REC114: variants seen among roughly 807,000 people sequenced by gnomAD.
The protein encoded by REC114 is REC114 meiotic recombination protein.
In REC114, 27 loss-of-function variants were observed where a neutral mutation model predicts 31.3. The observed-to-expected ratio is 0.86, with a 90% CI of 0.64 to 1.19. The LOEUF is 1.19. Ranked by LOEUF, REC114 falls within the 50% of genes most tolerant of loss-of-function variation. The pLI, the probability that REC114 is intolerant of heterozygous loss-of-function variation, is 0.00. For synonymous variants in REC114, 134 were observed against 127.7 expected (o/e 1.05, Z -0.33); for missense variants, 344 against 326.9 (o/e 1.05, Z -0.40).
In REC114 at chr15:73,501,829, C is replaced by T. The variant is rs1893607629; in HGVS notation, c.249+27908C>T. ...GTTTGGTTCTTGAGAATAAATGTCT[C>T]ATCAAATAATCAGAACAGATACAAG... is the stretch of plus-strand genomic sequence containing the variant. On this transcript the variant is annotated intron_variant, in intron 2 of 5. Coordinates refer to ENST00000331090, the MANE Select transcript of REC114 (RefSeq NM_001042367.2). Among the ~76,000 whole-genome samples the T allele has an allele frequency of 1.3e-5, 2 of 152,266 alleles. 1 individual carries two copies. The highest frequency in any genetic ancestry group is 4.1e-4 in the South Asian group (2 of 4,826).
intron 2 of REC114, among the ~76,000 whole-genome samples, chr15:73,516,856 A>T (rs2141317984): frequency 6.6e-6 from 1 of 152,222 alleles, no homozygotes; most frequent in Non-Finnish European, 1.5e-5. Context: ...TGAACTCCTG[A>T]TCGGAGGTGA....
chr15:73,539,692 G>C (rs565232859), intron 2 of REC114, among the ~76,000 whole-genome samples: 1 of 151,986 alleles, frequency 6.6e-6, no homozygotes, highest in South Asian at 2.1e-4. Flanking sequence ...TAACATTTAA[G>C]GGTAGACTGG....
At chr15:73,457,682 G>A (rs1892936263) in intron 1 of REC114, among the ~76,000 whole-genome samples, 1 of 152,042 alleles carries the variant, frequency 6.6e-6, no homozygotes, top group Non-Finnish European at 1.5e-5. Context: ...CCTTTGATTT[G>A]TTCAGTTTTT....
intron 1 of REC114, among the ~76,000 whole-genome samples, chr15:73,464,631 A>C (rs975807782): frequency 2.6e-5 from 4 of 152,146 alleles, no homozygotes; most frequent in Non-Finnish European, 4.4e-5. Context: ...TAAGTTGGCC[A>C]ACTCCTTTGT....
chr15:73,467,668 C>T (rs915769132), intron 1 of REC114, among the ~76,000 whole-genome samples: 1 of 152,138 alleles, frequency 6.6e-6, no homozygotes, highest in African/African-American at 2.4e-5. Context: ...TGGACTCTTG[C>T]ATTTCTTGAA....
At chr15:73,548,999 G>A (rs188388965) in intron 3 of REC114, among the ~76,000 whole-genome samples, 16 of 152,224 alleles carry the variant, frequency 1.1e-4, no homozygotes, top group Admixed American at 4.6e-4. Flanking sequence ...AATACATAGA[G>A]GGGAACAACA....
At chr15:73,548,662 C>T (rs1894345468) in intron 3 of REC114, among the ~76,000 whole-genome samples, 1 of 152,138 alleles carries the variant, frequency 6.6e-6, no homozygotes, top group African/African-American at 2.4e-5. Context: ...ACCTAAAACA[C>T]CATCTGACCC....
chr15:73,539,063 A>C (rs1894202870), intron 2 of REC114, among the ~76,000 whole-genome samples: 1 of 151,566 alleles, frequency 6.6e-6, no homozygotes, highest in Non-Finnish European at 1.5e-5. Context: ...CATTGTACCA[A>C]TTTGCACTCC....
chr15:73,528,074 C>A (rs1894030168), intron 2 of REC114, among the ~76,000 whole-genome samples: 1 of 151,762 alleles, frequency 6.6e-6, no homozygotes, highest in Non-Finnish European at 1.5e-5. Flanking sequence ...AAAAAAAAAC[C>A]CTCATTGTAA....
chr15:73,515,354 A>G (rs1893843031), intron 2 of REC114, among the ~76,000 whole-genome samples: 1 of 152,236 alleles, frequency 6.6e-6, no homozygotes, highest in Non-Finnish European at 1.5e-5. Context: ...TTTAAAATAA[A>G]AATGTTTACA....
intron 2 of REC114, among the ~76,000 whole-genome samples, chr15:73,532,598 C>A (rs1239023769): frequency 1.3e-5 from 2 of 151,936 alleles, no homozygotes; most frequent in Non-Finnish European, 2.9e-5. Context: ...TACAGTCCCA[C>A]CAACAGTGTA....
chr15:73,547,297 T>A (rs950232509), intron 3 of REC114, among the ~76,000 whole-genome samples: 2 of 152,150 alleles, frequency 1.3e-5, no homozygotes, highest in Non-Finnish European at 2.9e-5. Context: ...GAAAAGGTGA[T>A]CAACATCACT....
rs1340553350 is a variant in REC114, at chr15:73,443,220, G to A, written c.35G>A (p.Gly12Glu). Reference protein sequence around the residue: ...AEAGKVPLSLGLTGGEAAEWP... With the variant: ...AEAGKVPLSLELTGGEAAEWP... ...GCAGGAAAAGTGCCCTTGAGCCTCG[G>A]GCTTACCGGAGGAGAAGCGGCAGAG... The change falls in exon 1 of 6, where the codon GGG becomes GAG. Residue 12 changes from glycine to glutamate, a missense_variant. Gly to Glu is a moderately conservative substitution (Grantham distance 98). Coordinates refer to ENST00000331090, the MANE Select transcript of REC114 (RefSeq NM_001042367.2). 2 of 1,576,254 alleles carry A rather than the reference G, an allele frequency of 1.3e-6. No individual in the cohort carries two copies. The highest frequency in any genetic ancestry group is 1.9e-5 in the Admixed American group (1 of 53,890).
chr15:73,518,309 A>T (rs1893889344), intron 2 of REC114, among the ~76,000 whole-genome samples: 1 of 152,212 alleles, frequency 6.6e-6, no homozygotes, highest in Non-Finnish European at 1.5e-5. Context: ...AGCACAACTG[A>T]GTCAGGGGCT....
chr15:73,513,764 A>T (rs1567881807), intron 2 of REC114, among the ~76,000 whole-genome samples: 1 of 150,360 alleles, frequency 6.7e-6, no homozygotes, highest in African/African-American at 2.4e-5. Flanking sequence ...CTCGGGGGTC[A>T]GGGGTCAGGG....
intron 2 of REC114, among the ~76,000 whole-genome samples, chr15:73,487,406 T>A (rs1300941604): frequency 6.6e-6 from 1 of 152,180 alleles, no homozygotes; most frequent in Admixed American, 6.5e-5. Flanking sequence ...ATCAAACAGG[T>A]TATATCCTTC....
intron 2 of REC114, among the ~76,000 whole-genome samples, chr15:73,538,052 G>A (rs1894182777): frequency 6.6e-6 from 1 of 152,176 alleles, no homozygotes; most frequent in African/African-American, 2.4e-5. Context: ...ATATGTGGCT[G>A]TGGAGCACTT....
chr15:73,532,655 G>T (rs1160795236), intron 2 of REC114, among the ~76,000 whole-genome samples: 1 of 152,090 alleles, frequency 6.6e-6, no homozygotes, highest in Non-Finnish European at 1.5e-5. Context: ...AGCAAGGCAG[G>T]CCAACGTTCA....
At chr15:73,556,470 C>A (rs553623239) in intron 5 of REC114, 79 bp downstream of exon 5, 5 of 1,209,788 alleles carry the variant, frequency 4.1e-6, no homozygotes, top group Non-Finnish European at 1.2e-6. Context: ...TTGTTCAATT[C>A]TTTGTTTTAG....
Sources: allele counts gnomAD v4.1 joint callset (sites outside exome capture counted in the v4.1 genomes callset), GRCh38; gene constraint gnomAD v4.1.1; transcripts MANE v1.5; gene names NCBI Gene and HGNC (gene_info 2026-07-23, HGNC 2026-07-21).